FBXO25: variants seen among roughly 807,000 people sequenced by gnomAD.
The protein encoded by FBXO25 is F-box only protein 25.
A neutral mutation model predicts 51.9 loss-of-function variants in FBXO25; 45 were observed. The observed-to-expected ratio is 0.87, with a 90% CI of 0.68 to 1.11. FBXO25 has a LOEUF of 1.11. FBXO25 is among the 50% of genes most tolerant of loss of function. The probability of loss-of-function intolerance (pLI) is 0.00; values close to 1 mark genes in which losing one functional copy is unlikely to be tolerated. For missense variants in FBXO25, 507 were observed against 428.5 expected (o/e 1.18, Z -1.62); for synonymous variants, 199 against 151.0 (o/e 1.32, Z -2.33).
chr8:466,131 C>G (rs750600199), intron 9 of FBXO25, among the ~76,000 whole-genome samples: 4 of 152,224 alleles, frequency 2.6e-5, no homozygotes, highest in East Asian at 3.9e-4. Flanking sequence ...GTTTTTAGTT[C>G]TGAATCCATG....
intron 9 of FBXO25, among the ~76,000 whole-genome samples, chr8:465,186 G>T (rs1452959098): frequency 6.7e-6 from 1 of 148,308 alleles, no homozygotes; most frequent in African/African-American, 2.4e-5. Context: ...GACCCTGGAG[G>T]GAACAGGGCC....
intron 6 of FBXO25, 100 bp downstream of exon 6, chr8:450,183 T>G: frequency 1.4e-6 from 1 of 697,516 alleles, no homozygotes; most frequent in Non-Finnish European, 2.3e-6. Flanking sequence ...ACACATACTG[T>G]CAAAAACAAT....
intron 5 of FBXO25, among the ~76,000 whole-genome samples, chr8:439,218 C>T (rs983273925): frequency 1.3e-5 from 2 of 152,162 alleles, no homozygotes; most frequent in Non-Finnish European, 2.9e-5. Context: ...TTGCTTATAG[C>T]ACTGAGAAGA....
chr8:436,335 T>C (rs1483265157), intron 5 of FBXO25, among the ~76,000 whole-genome samples: 1 of 152,186 alleles, frequency 6.6e-6, no homozygotes, highest in African/African-American at 2.4e-5. Flanking sequence ...GAAGCTATAG[T>C]TTATGAAGCT....
chr8:407,993 C>T (rs1421576808), intron 1 of FBXO25, among the ~76,000 whole-genome samples: 1 of 152,142 alleles, frequency 6.6e-6, no homozygotes, highest in Non-Finnish European at 1.5e-5. Context: ...AAATCCTTAC[C>T]ATCCGGCCCT....
chr8:453,381 T>C (rs1474948867), intron 7 of FBXO25, among the ~76,000 whole-genome samples: 1 of 152,070 alleles, frequency 6.6e-6, no homozygotes, highest in Admixed American at 6.5e-5. Flanking sequence ...TCTGTGAGGA[T>C]CTTGGCTTCT....
Position 432,910 on chromosome 8 carries a change from A to T in FBXO25, c.263A>T (p.Tyr88Phe). ...GGTTTTTATCGTGAAAAATGGATCT[A>T]TGTCCATAAAGAAAGCACAAAGGAA... ...TQSFYREKWI[Y>F]VHKESTKERH... is the part of the protein sequence containing the mutation. The change falls in exon 4 of 10, where the codon TAT becomes TTT. Residue 88 changes from tyrosine to phenylalanine, a missense_variant. Transcript: ENST00000350302. 6.4e-7 allele frequency: 1 copy of T among 1,559,232 alleles called. No homozygotes were observed. The highest frequency in any genetic ancestry group is 8.6e-7 in the Non-Finnish European group (1 of 1,156,636).
rs191141992 is a variant in FBXO25 at position 408,344 on chromosome 8, A to G, written c.-8+1278A>G. Among the ~76,000 whole-genome samples the G allele has an allele frequency of 2.4e-3, 367 of 152,306 alleles. 2 individuals carry two copies. The highest frequency in any genetic ancestry group is 4.1e-3 in the Non-Finnish European group (281 of 68,028). On this transcript the variant is annotated intron_variant, in intron 1 of 9. Transcript: ENST00000350302. ...AGACGGTAAAAAAAAAAAAAGTTAA[A>G]AAGCTTATAATTTAATGGCATCTGT...
chr8:415,309 C>A (rs1341860707), intron 2 of FBXO25, among the ~76,000 whole-genome samples: 1 of 152,094 alleles, frequency 6.6e-6, no homozygotes, highest in Non-Finnish European at 1.5e-5. Context: ...TTTTAGTATT[C>A]AAAGTTTAGA....
intron 8 of FBXO25, among the ~76,000 whole-genome samples, chr8:461,547 C>G (rs1029873001): frequency 6.6e-6 from 1 of 152,210 alleles, no homozygotes; most frequent in Non-Finnish European, 1.5e-5. Context: ...TTACCTCCCA[C>G]CGGGTCCCTC....
intron 6 of FBXO25, 43 bp downstream of exon 6, chr8:450,126 G>A (rs1798988750): frequency 7.0e-7 from 1 of 1,430,672 alleles, no homozygotes; most frequent in African/African-American, 1.4e-5. Context: ...ATCTTAATTA[G>A]AAATTTGGTG....
At chr8:468,510 G>A (rs571489223) in intron 9 of FBXO25, among the ~76,000 whole-genome samples, 2 of 152,088 alleles carry the variant, frequency 1.3e-5, no homozygotes, top group African/African-American at 4.8e-5. Flanking sequence ...TGCCCTACCT[G>A]AGCAGGAGTT....
At position 475,581 on chromosome 8, in the gene FBXO25, CCTTA is replaced by C. The variant is rs756688099; in HGVS notation, c.*6781_*6784del. The C allele has an allele frequency of 6.6e-6, 1 of 152,132 alleles. No individual in the cohort carries two copies. The highest frequency in any genetic ancestry group is 6.6e-5 in the Admixed American group (1 of 15,254). The allele number at this position is 152,132 out of a possible 1,614,324, so 9.4% of individuals were successfully genotyped here. On this transcript the variant is annotated 3_prime_UTR_variant, in exon 10 of 10. Coordinates refer to ENST00000350302, the MANE Select transcript of FBXO25 (RefSeq NM_183420.2). ...ATTGCTTTCTATTTATTTGTGTTGA[CCTTA>C]CTTTCTTTAAGCAGTGTTTTATGGT... is the stretch of plus-strand genomic sequence containing the variant.
intron 1 of FBXO25, among the ~76,000 whole-genome samples, chr8:410,015 A>G (rs1796393045): frequency 6.6e-6 from 1 of 151,926 alleles, no homozygotes; most frequent in Non-Finnish European, 1.5e-5. Flanking sequence ...TTATTCACCC[A>G]CCATTCCCAT....
rs888531239 is a variant in FBXO25 at position 469,197 on chromosome 8, G to C, written c.*393G>C. ...CAATTGGGAAACTAATTGGGGGTGG[G>C]TTACAAAACATTTGATCCTTGTAAA... On this transcript the variant is annotated 3_prime_UTR_variant, in exon 10 of 10. Coordinates refer to ENST00000350302, the MANE Select transcript of FBXO25 (RefSeq NM_183420.2). 3 of 167,402 alleles carry C rather than the reference G, an allele frequency of 1.8e-5. No individual in the cohort carries two copies. The highest frequency in any genetic ancestry group is 4.8e-5 in the African/African-American group (2 of 41,970). 10.4% of individuals were successfully genotyped at this position (167,402 alleles called of 1,614,324 possible).
chr8:457,746 C>T (rs13269874), intron 7 of FBXO25, among the ~76,000 whole-genome samples: 6,022 of 152,286 alleles, frequency 0.04, 333 homozygotes, highest in African/African-American at 0.12. Flanking sequence ...CTGTGGCCAT[C>T]GGTTCATAAC....
intron 5 of FBXO25, among the ~76,000 whole-genome samples, chr8:436,908 G>A (rs970077162): frequency 2.6e-5 from 4 of 152,182 alleles, no homozygotes; most frequent in African/African-American, 7.2e-5. Context: ...GGAGGAAGTC[G>A]TTGGCTCCTG....
At chr8:454,890 C>CAGAAAAA (rs1799320405) in intron 7 of FBXO25, among the ~76,000 whole-genome samples, 1 of 109,624 alleles carries the variant, frequency 9.1e-6, no homozygotes, top group African/African-American at 4.3e-5. Flanking sequence ...GACTCCATCT[C>CAGAAAAA]AAAAAAAGAA....
At chr8:431,931 C>T (rs1797841665) in intron 3 of FBXO25, among the ~76,000 whole-genome samples, 1 of 152,098 alleles carries the variant, frequency 6.6e-6, no homozygotes, top group African/African-American at 2.4e-5. Context: ...TAGTAGGCTC[C>T]CTTACCTCAG....
Sources: gnomAD v4.1 joint callset for allele counts (sites outside exome capture counted in the v4.1 genomes callset) on GRCh38, gnomAD v4.1.1 for gene constraint, MANE v1.5 for transcripts, NCBI Gene and HGNC (gene_info 2026-07-23, HGNC 2026-07-21) for gene names.